ANKRD44: variants seen among roughly 807,000 people sequenced by gnomAD.
ANKRD44 encodes the protein serine/threonine-protein phosphatase 6 regulatory ankyrin repeat subunit B.
ANKRD44 carries 35 observed loss-of-function variants against 116.0 expected under a neutral mutation model. The observed-to-expected ratio is 0.30, with a 90% CI of 0.23 to 0.40. The LOEUF (loss-of-function observed/expected upper bound fraction) is 0.40. Ranked by LOEUF, ANKRD44 falls within the 10% of genes least tolerant of loss-of-function variation. The pLI, the probability that ANKRD44 is intolerant of heterozygous loss-of-function variation, is 1.00. For missense variants in ANKRD44, 1,014 were observed against 1,242.6 expected, an observed-to-expected ratio of 0.82 and a Z score of 2.77; for synonymous variants, 435 against 461.8, an observed-to-expected ratio of 0.94 and a Z score of 0.74.
intron 4 of ANKRD44, among the ~76,000 whole-genome samples, chr2:197,130,270 T>C (rs1372426778): frequency 1.3e-5 from 2 of 152,250 alleles, no homozygotes; most frequent in Non-Finnish European, 2.9e-5. Context: ...TCACCCATTA[T>C]TTTAATTATT....
chr2:197,013,288 A>G (rs2125921335), intron 18 of ANKRD44, among the ~76,000 whole-genome samples: 1 of 151,858 alleles, frequency 6.6e-6, no homozygotes, highest in East Asian at 1.9e-4. Flanking sequence ...AAAGTTCTGA[A>G]CTCTCTTTTG....
chr2:197,192,619 T>C (rs2080851304), intron 1 of ANKRD44, among the ~76,000 whole-genome samples: 1 of 152,222 alleles, frequency 6.6e-6, no homozygotes, highest in Admixed American at 6.5e-5. Context: ...CTGTTTTTTG[T>C]AGGAGCCAGT....
At chr2:197,297,324 TGAGA>T (rs1045055649) in intron 1 of ANKRD44, among the ~76,000 whole-genome samples, 3 of 151,968 alleles carry the variant, frequency 2.0e-5, no homozygotes, top group Non-Finnish European at 4.4e-5. Context: ...GTTGTTTAAG[TGAGA>T]GAGAGAAAGA....
chr2:197,140,970 C>T (rs2079349644), intron 3 of ANKRD44, among the ~76,000 whole-genome samples: 1 of 152,082 alleles, frequency 6.6e-6, no homozygotes, highest in African/African-American at 2.4e-5. Context: ...AATCCCAGCA[C>T]TTTTGGGAGG....
At chr2:197,077,360 C>T (rs1204232462) in intron 16 of ANKRD44, among the ~76,000 whole-genome samples, 1 of 152,112 alleles carries the variant, frequency 6.6e-6, no homozygotes, top group South Asian at 2.1e-4. Context: ...CTTTTCCCTC[C>T]TTTCAGAACC....
chr2:197,141,148 T>G (rs2079355131), intron 3 of ANKRD44, among the ~76,000 whole-genome samples: 1 of 151,898 alleles, frequency 6.6e-6, no homozygotes, highest in Non-Finnish European at 1.5e-5. Flanking sequence ...ACCTGGGAGG[T>G]GGAGGTTGCA....
intron 8 of ANKRD44, among the ~76,000 whole-genome samples, chr2:197,118,897 T>C (rs962680129): frequency 6.6e-6 from 1 of 152,218 alleles, no homozygotes; most frequent in Non-Finnish European, 1.5e-5. Context: ...TTAACACAAA[T>C]GTACGTTTTT....
chr2:197,240,276 G>A (rs960523626), intron 1 of ANKRD44, among the ~76,000 whole-genome samples: 2 of 150,810 alleles, frequency 1.3e-5, no homozygotes, highest in African/African-American at 4.9e-5. Flanking sequence ...TCAGGAGGCT[G>A]AGGCACGAGA....
At chr2:197,036,183 T>C (rs2076802861) in intron 16 of ANKRD44, among the ~76,000 whole-genome samples, 1 of 152,208 alleles carries the variant, frequency 6.6e-6, no homozygotes. Flanking sequence ...TAATTTAGTT[T>C]CTGTCTCCCC....
intron 3 of ANKRD44, among the ~76,000 whole-genome samples, chr2:197,146,453 G>A (rs975543994): frequency 5.3e-5 from 8 of 151,962 alleles, no homozygotes; most frequent in South Asian, 4.2e-4. Context: ...ACATTTAGTT[G>A]GCATATAAAT....
At chr2:197,009,740 G>A (rs1297430496) in intron 18 of ANKRD44, among the ~76,000 whole-genome samples, 1 of 152,156 alleles carries the variant, frequency 6.6e-6, no homozygotes, top group African/African-American at 2.4e-5. Flanking sequence ...TCGGCTTCCA[G>A]CTCAAGGTAG....
chr2:197,171,783 C>A (rs2080240548), intron 2 of ANKRD44, among the ~76,000 whole-genome samples: 1 of 152,054 alleles, frequency 6.6e-6, no homozygotes, highest in Non-Finnish European at 1.5e-5. Context: ...AGGAAGCCAA[C>A]CATGTGTAGG....
At chr2:197,238,340 G>C (rs2082018804) in intron 1 of ANKRD44, among the ~76,000 whole-genome samples, 1 of 152,110 alleles carries the variant, frequency 6.6e-6, no homozygotes, top group Non-Finnish European at 1.5e-5. Flanking sequence ...AAAAAAAATG[G>C]TCAGGTCAAA....
intron 4 of ANKRD44, among the ~76,000 whole-genome samples, chr2:197,130,604 G>A (rs866094328): frequency 6.6e-6 from 1 of 152,190 alleles, no homozygotes; most frequent in African/African-American, 2.4e-5. Context: ...GGTACCGCTT[G>A]TCTACATTCT....
At chr2:197,033,849 T>C (rs112668238) in intron 16 of ANKRD44, among the ~76,000 whole-genome samples, 3 of 152,258 alleles carry the variant, frequency 2.0e-5, no homozygotes, top group African/African-American at 7.2e-5. Flanking sequence ...GATTCTTCTT[T>C]GTTAATTAAG....
intron 16 of ANKRD44, among the ~76,000 whole-genome samples, chr2:197,039,775 C>T (rs892118056): frequency 6.6e-6 from 1 of 150,648 alleles, no homozygotes; most frequent in Non-Finnish European, 1.5e-5. Context: ...GTTAATCAGC[C>T]CTTATCATAT....
At chr2:197,073,753 T>C (rs2077607417) in intron 16 of ANKRD44, among the ~76,000 whole-genome samples, 1 of 152,154 alleles carries the variant, frequency 6.6e-6, no homozygotes. Flanking sequence ...TTCTCTCTAA[T>C]CTCTAACTTC....
chr2:197,308,575 C>T (rs890980238), intron 1 of ANKRD44, among the ~76,000 whole-genome samples: 7 of 147,442 alleles, frequency 4.7e-5, no homozygotes, highest in Admixed American at 1.4e-4. Flanking sequence ...AATCTTAAAA[C>T]GCCTTAGGTT....
At chr2:197,135,268 T>TG (rs758531102) in intron 4 of ANKRD44, 1 of 152,234 alleles carries the variant, frequency 6.6e-6, no homozygotes, top group Admixed American at 6.5e-5. Context: ...TAGGTGTACC[T>TG]GGAGAACATC....
Sources: gnomAD v4.1 joint callset for allele counts (sites outside exome capture counted in the v4.1 genomes callset) on GRCh38, gnomAD v4.1.1 for gene constraint, MANE v1.5 for transcripts, NCBI Gene and HGNC (gene_info 2026-07-23, HGNC 2026-07-21) for gene names.